SPATA6L: variants seen among roughly 807,000 people sequenced by gnomAD.
SPATA6L encodes the protein spermatogenesis associated 6-like protein.
A neutral mutation model predicts 49.2 loss-of-function variants in SPATA6L; 68 were observed. That is an observed-to-expected ratio of 1.38 (90% confidence interval 1.14 to 1.69). The LOEUF is 1.69. SPATA6L is among the 40% of genes most tolerant of loss of function. SPATA6L has a pLI of 0.00. For synonymous variants in SPATA6L, 198 were observed against 165.7 expected, an observed-to-expected ratio of 1.19 and a Z score of -1.50; for missense variants, 668 against 464.3, an observed-to-expected ratio of 1.44 and a Z score of -4.03.
chr9:4,612,243 G>C (rs947375812), intron 9 of SPATA6L, among the ~76,000 whole-genome samples: 7 of 152,066 alleles, frequency 4.6e-5, no homozygotes, highest in Admixed American at 2.0e-4. Flanking sequence ...CAAAGTGCTG[G>C]GATTACAGGT....
At chr9:4,641,592 C>T (rs1834047195) in intron 3 of SPATA6L, among the ~76,000 whole-genome samples, 1 of 152,072 alleles carries the variant, frequency 6.6e-6, no homozygotes, top group Non-Finnish European at 1.5e-5. Flanking sequence ...ACAGACACAA[C>T]CATCATAGGC....
chr9:4,664,122 G>A (rs1840487112), intron 1 of SPATA6L: 1 of 167,128 alleles, frequency 6.0e-6, no homozygotes, highest in Non-Finnish European at 1.5e-5. Context: ...GCATGAGAGA[G>A]GGCAGAGAAA....
In SPATA6L at chr9:4,599,025, G is replaced by A. The variant is rs956810308; in HGVS notation, c.*1786C>T. On this transcript the variant is annotated 3_prime_UTR_variant, in exon 12 of 12. Coordinates refer to ENST00000682582, the MANE Select transcript of SPATA6L (RefSeq NM_001353486.2). ...GGAATATTTACATAAACACAATGAA[G>A]TATCTTCAGGATAGGGGATAGGACC... Among the ~76,000 whole-genome samples, 1 of 152,206 alleles carries A rather than the reference G, an allele frequency of 6.6e-6. No individual in the cohort carries two copies. The highest frequency in any genetic ancestry group is 1.5e-5 in the Non-Finnish European group (1 of 68,028).
At chr9:4,629,769 G>GTGTGTGTGTGTGTATA (rs1311805859) in intron 4 of SPATA6L, among the ~76,000 whole-genome samples, 113 of 101,916 alleles carry the variant, frequency 1.1e-3, no homozygotes, top group African/African-American at 5.4e-3. Flanking sequence ...GTGTGTGTGT[G>GTGTGTGTGTGTGTATA]TATATATATA....
chr9:4,665,932 G>A (rs1299672711), intron 1 of SPATA6L, among the ~76,000 whole-genome samples: 1 of 151,968 alleles, frequency 6.6e-6, no homozygotes, highest in East Asian at 1.9e-4. Context: ...TGGACTTAAT[G>A]CAGGGTTGTT....
At position 4,604,235 on chromosome 9, in the gene SPATA6L, T is replaced by C. The variant is rs967053190; in HGVS notation, c.1124A>G (p.Glu375Gly). Reference sequence around the variant, plus strand: ...TTTCTTCAGAGGGTAGCTTGGTCTTTCAATGATATAATTTACTTCAGAGGT... The same window carrying C: ...TTTCTTCAGAGGGTAGCTTGGTCTTCCAATGATATAATTTACTTCAGAGGT... ...DSTSEVNYII[E>G]RPSYPLKKYS... The change falls in exon 11 of 12, where the codon GAA becomes GGA. Residue 375 changes from glutamate to glycine, a missense_variant. By Grantham distance (98) the Glu-to-Gly change is moderately conservative. Transcript: ENST00000682582. The C allele has an allele frequency of 1.9e-6, 3 of 1,611,790 alleles. No individual in the cohort carries two copies. Among genetic ancestry groups the C allele is most frequent in the African/African-American group, 2.7e-5 (2 of 74,872 alleles).
At chr9:4,638,220 TTA>T (rs201520541) in intron 3 of SPATA6L, among the ~76,000 whole-genome samples, 14,686 of 152,166 alleles carry the variant, frequency 0.097, 1,295 homozygotes, top group African/African-American at 0.23. Context: ...ATTATTATTA[TTA>T]TTTTTTGAGA....
intron 3 of SPATA6L, 35 bp downstream of exon 3, chr9:4,656,006 T>C (rs569283465): frequency 3.7e-5 from 58 of 1,551,188 alleles, no homozygotes; most frequent in Non-Finnish European, 4.3e-5. Flanking sequence ...CACAATAGTC[T>C]TTTGGTTTTT....
rs923596864 is a variant in SPATA6L at position 4,598,980 on chromosome 9, G to T, written c.*1831C>A. ...CAGAAGTATTTTAAACTTGGGTTTT[G>T]GTTTTTGTTTTTGTATTTTGGAATA... is the stretch of plus-strand genomic sequence containing the variant. On this transcript the variant is annotated 3_prime_UTR_variant, in exon 12 of 12. Coordinates refer to ENST00000682582, the MANE Select transcript of SPATA6L (RefSeq NM_001353486.2). 2.0e-5 allele frequency among the ~76,000 whole-genome samples: 3 copies of T among 152,132 alleles called. No homozygotes were observed. Among genetic ancestry groups the T allele is most frequent in the Admixed American group, 1.3e-4 (2 of 15,274 alleles).
Position 4,662,260 on chromosome 9 carries a change from T to C in SPATA6L, c.40-224A>G. On this transcript the variant is annotated intron_variant, in intron 1 of 11. Coordinates refer to ENST00000682582, the MANE Select transcript of SPATA6L (RefSeq NM_001353486.2). The surrounding 1 kb of genome is among the most constrained non-coding windows in gnomAD (Gnocchi z 4.9). The stretch of plus-strand genomic sequence containing the variant: ...TCCACCAGGTGTCACAATCGCGCTC[T>C]CGCCGGCTCCTCTCCCCGCCCCTCC... 7.0e-7 allele frequency: 1 copy of C among 1,433,918 alleles called. No homozygotes were observed. Among genetic ancestry groups the C allele is most frequent in the Non-Finnish European group, 9.1e-7 (1 of 1,099,444 alleles). 88.8% of individuals were successfully genotyped at this position (1,433,918 alleles called of 1,614,324 possible). A position where few individuals can be genotyped will look rare whatever the true frequency, so the allele number is the denominator to read the frequency against.
downstream of SPATA6L, chr9:4,596,340 A>G (rs968582571): frequency 6.6e-6 from 1 of 152,194 alleles, no homozygotes; most frequent in African/African-American, 2.4e-5. Flanking sequence ...CCCAGTGAAC[A>G]AAGGACGTCA....
intron 1 of SPATA6L, chr9:4,664,335 C>G (rs925514331): frequency 6.0e-6 from 1 of 166,854 alleles, no homozygotes; most frequent in African/African-American, 2.4e-5. Flanking sequence ...CTCGTATATA[C>G]CTGTATGCTA....
intron 1 of SPATA6L, chr9:4,664,750 G>A (rs895661738): frequency 2.4e-5 from 4 of 167,072 alleles, no homozygotes; most frequent in South Asian, 4.1e-4. Context: ...CCTGGAGAAC[G>A]GCTGTGATAA....
intron 2 of SPATA6L, among the ~76,000 whole-genome samples, chr9:4,660,838 A>C (rs966661722): frequency 1.3e-5 from 2 of 152,260 alleles, no homozygotes; most frequent in African/African-American, 2.4e-5. Flanking sequence ...ACACCGTGGA[A>C]TACTATGCAG....
At chr9:4,635,955 T>C (rs960817771) in intron 3 of SPATA6L, among the ~76,000 whole-genome samples, 27 of 152,228 alleles carry the variant, frequency 1.8e-4, no homozygotes, top group Admixed American at 1.8e-3. Context: ...AAGACACTCA[T>C]GCACATCACA....
intron 9 of SPATA6L, among the ~76,000 whole-genome samples, chr9:4,609,201 G>A (rs976142355): frequency 4.0e-5 from 6 of 151,356 alleles, no homozygotes; most frequent in Non-Finnish European, 8.8e-5. Context: ...ATTCACAGCC[G>A]AATTCTACCA....
intron 9 of SPATA6L, among the ~76,000 whole-genome samples, chr9:4,615,736 G>A (rs911634860): frequency 1.3e-5 from 2 of 152,136 alleles, no homozygotes; most frequent in Admixed American, 1.3e-4. Flanking sequence ...GTGAGCCAGT[G>A]GAAAGCAGAG....
At chr9:4,623,148 C>T (rs1284184466) in intron 6 of SPATA6L, among the ~76,000 whole-genome samples, 2 of 151,992 alleles carry the variant, frequency 1.3e-5, no homozygotes, top group East Asian at 1.9e-4. Flanking sequence ...GGCTTGGTGG[C>T]GCATGCCTGT....
chr9:4,596,963 T>G (rs1489274725), downstream of SPATA6L, among the ~76,000 whole-genome samples: 1 of 152,142 alleles, frequency 6.6e-6, no homozygotes, highest in East Asian at 1.9e-4. Flanking sequence ...AGAATAAGAA[T>G]AGCTAATGCT....
Sources: gnomAD v4.1 joint callset for allele counts (sites outside exome capture counted in the v4.1 genomes callset) on GRCh38, gnomAD v4.1.1 for gene constraint, Gnocchi (gnomAD v3.1) non-coding constraint, MANE v1.5 for transcripts, NCBI Gene and HGNC (gene_info 2026-07-23, HGNC 2026-07-21) for gene names.